The following CHN1 variants were observed in gnomAD, a reference collection of about 807,000 sequenced individuals.
CHN1 encodes chimerin 1, also known as N-chimaerin.
A neutral mutation model predicts 59.5 loss-of-function variants in CHN1; 37 were observed. The observed-to-expected ratio is 0.62, with a 90% confidence interval of 0.48 to 0.82. The LOEUF is 0.82. CHN1 is among the 40% of genes least tolerant of loss of function. The pLI, the probability that CHN1 is intolerant of heterozygous loss-of-function variation, is 0.00. For synonymous variants in CHN1, 206 were observed against 200.4 expected (o/e 1.03, Z -0.24); for missense variants, 469 against 571.0 (o/e 0.82, Z 1.82).
intron 6 of CHN1, among the ~76,000 whole-genome samples, chr2:174,866,781 C>T (rs1404114573): frequency 6.6e-6 from 1 of 152,122 alleles, no homozygotes; most frequent in Non-Finnish European, 1.5e-5. Context: ...AAAGTACAAA[C>T]TTTCTATATT....
At chr2:174,821,548 A>T (rs1033817566) in intron 8 of CHN1, among the ~76,000 whole-genome samples, 1 of 152,226 alleles carries the variant, frequency 6.6e-6, no homozygotes, top group African/African-American at 2.4e-5. Context: ...AGAGATGATT[A>T]GCTTATGAGG....
At chr2:174,918,915 C>G (rs1295804759) in intron 3 of CHN1, among the ~76,000 whole-genome samples, 2 of 152,154 alleles carry the variant, frequency 1.3e-5, no homozygotes. Context: ...AGCTTTCTCC[C>G]CCATCCTCCC....
intron 6 of CHN1, among the ~76,000 whole-genome samples, chr2:174,861,476 T>C (rs952059459): frequency 1.1e-4 from 16 of 152,356 alleles, no homozygotes; most frequent in South Asian, 4.1e-4. Context: ...TTCAGACTCA[T>C]AGACGAGTGC....
At chr2:174,824,166 T>G (rs537466729) in intron 8 of CHN1, among the ~76,000 whole-genome samples, 103 of 152,228 alleles carry the variant, frequency 6.8e-4, no homozygotes, top group Non-Finnish European at 9.7e-4. Flanking sequence ...TTATCTCCTT[T>G]TATCAGACTT....
chr2:174,936,157 AC>A (rs1239626069), intron 3 of CHN1, among the ~76,000 whole-genome samples: 3 of 152,182 alleles, frequency 2.0e-5, no homozygotes, highest in African/African-American at 7.2e-5. Context: ...CCTCATTGTT[AC>A]TATAATGTGC....
chr2:174,935,865 C>T (rs963755293), intron 3 of CHN1, among the ~76,000 whole-genome samples: 2 of 152,098 alleles, frequency 1.3e-5, no homozygotes, highest in Admixed American at 6.5e-5. Flanking sequence ...CCTGGCAATG[C>T]AAAGCCACAG....
chr2:174,833,457 C>T (rs942453575), intron 7 of CHN1, among the ~76,000 whole-genome samples: 8 of 152,092 alleles, frequency 5.3e-5, no homozygotes, highest in East Asian at 1.9e-4. Context: ...TTGAAGATGT[C>T]GCTCCACTGT....
chr2:174,941,151 A>C (rs925384914), intron 3 of CHN1, among the ~76,000 whole-genome samples: 3 of 152,104 alleles, frequency 2.0e-5, no homozygotes, highest in Non-Finnish European at 2.9e-5. Flanking sequence ...GAAACTTTCA[A>C]ATAGGCTCCT....
intron 7 of CHN1, among the ~76,000 whole-genome samples, 168 bp from the exon 8 acceptor site, chr2:174,824,686 T>C (rs1313967922): frequency 6.6e-6 from 1 of 152,026 alleles, no homozygotes; most frequent in Non-Finnish European, 1.5e-5. Flanking sequence ...CAGTGGTGTA[T>C]CACAGCTCAC....
chr2:174,975,717 T>C (rs1690902799), intron 1 of CHN1, among the ~76,000 whole-genome samples: 2 of 152,000 alleles, frequency 1.3e-5, no homozygotes, highest in African/African-American at 4.8e-5. Flanking sequence ...CTAGATGTAT[T>C]TGAAGCCTGG....
intron 5 of CHN1, among the ~76,000 whole-genome samples, chr2:174,904,549 T>C (rs2105359854): frequency 6.6e-6 from 1 of 152,050 alleles, no homozygotes; most frequent in South Asian, 2.1e-4. Flanking sequence ...CCACCACACC[T>C]GGCTAATTTT....
rs10691439 is a variant in CHN1, at chr2:174,945,909, C to CTG, written c.59-968_59-967dup. On this transcript the variant is annotated intron_variant, in intron 2 of 12. Coordinates refer to ENST00000409900, the MANE Select transcript of CHN1 (RefSeq NM_001822.7). ...GACTATACACACATACATAATTAGCCTGTGTGTGTGTGTGTGTGTGTGTAT... is the reference window on the plus strand; with the variant it reads ...GACTATACACACATACATAATTAGCCTGTGTGTGTGTGTGTGTGTGTGTGTAT... 3.5e-3 allele frequency among the ~76,000 whole-genome samples: 522 copies of CTG among 149,998 alleles called. 4 individuals are homozygous for CTG. The highest frequency in any genetic ancestry group is 0.015 in the East Asian group (77 of 5,102).
intron 5 of CHN1, among the ~76,000 whole-genome samples, chr2:174,914,306 T>C (rs934542525): frequency 6.6e-6 from 1 of 152,210 alleles, no homozygotes; most frequent in Non-Finnish European, 1.5e-5. Context: ...TTCTGGGCAC[T>C]GTACTGTAAG....
At chr2:174,934,324 C>G (rs1309163270) in intron 3 of CHN1, among the ~76,000 whole-genome samples, 1 of 152,210 alleles carries the variant, frequency 6.6e-6, no homozygotes, top group Non-Finnish European at 1.5e-5. Flanking sequence ...ACCTAGATCC[C>G]TTGCATGGGC....
intron 6 of CHN1, among the ~76,000 whole-genome samples, chr2:174,876,423 C>T (rs2105332245): frequency 6.6e-6 from 1 of 152,074 alleles, no homozygotes; most frequent in Middle Eastern, 3.4e-3. Flanking sequence ...ACAAGCATTA[C>T]TAAAAAATGC....
rs142698503 is a variant in CHN1, at chr2:174,866,032, A to T, written c.549+11808T>A. Among the ~76,000 whole-genome samples the T allele has an allele frequency of 2.2e-3, 336 of 152,340 alleles. 1 individual carries two copies. The highest frequency in any genetic ancestry group is 3.2e-3 in the Non-Finnish European group (221 of 68,024). ...ATCTCTTCTTCAAAGTAGATGCCCC[A>T]TTAAAAAGTTGGTTATTTTTCTGTG... On this transcript the variant is annotated intron_variant, in intron 6 of 12. Coordinates refer to ENST00000409900, the MANE Select transcript of CHN1 (RefSeq NM_001822.7).
intron 7 of CHN1, among the ~76,000 whole-genome samples, chr2:174,842,898 A>ATATC (rs1396624999): frequency 6.6e-6 from 1 of 152,234 alleles, no homozygotes; most frequent in East Asian, 1.9e-4. Flanking sequence ...TATTAATACA[A>ATATC]TATCTTATAT....
chr2:174,979,019 T>C (rs1691045352), intron 1 of CHN1, among the ~76,000 whole-genome samples: 1 of 152,208 alleles, frequency 6.6e-6, no homozygotes, highest in Non-Finnish European at 1.5e-5. Context: ...ATGAGTAAAG[T>C]ACAGTCTCTG....
chr2:174,881,104 T>C (rs1687719979), intron 5 of CHN1, among the ~76,000 whole-genome samples: 1 of 151,460 alleles, frequency 6.6e-6, no homozygotes, highest in Non-Finnish European at 1.5e-5. Flanking sequence ...TATATACATA[T>C]AGAATCTTGC....
Sources: gnomAD v4.1 joint callset for allele counts (sites outside exome capture counted in the v4.1 genomes callset) on GRCh38, gnomAD v4.1.1 for gene constraint, MANE v1.5 for transcripts, NCBI Gene and HGNC (gene_info 2026-07-23, HGNC 2026-07-21) for gene names.